Variants in SAMMSON observed in about 807,000 individuals in gnomAD.
SAMMSON encodes the protein long intergenic non-protein coding RNA 1212.
chr3:70,270,724 T>C (rs1223373523), intron 6 of SAMMSON, among the ~76,000 whole-genome samples: 1 of 152,210 alleles, frequency 6.6e-6, no homozygotes, highest in Non-Finnish European at 1.5e-5. Context: ...GACGAGTTCA[T>C]GTCCTTTGCC....
At chr3:70,079,798 T>C (rs1284061560) in intron 4 of SAMMSON, among the ~76,000 whole-genome samples, 3 of 152,160 alleles carry the variant, frequency 2.0e-5, no homozygotes, top group Admixed American at 1.3e-4. Flanking sequence ...TTCTTCTTTT[T>C]CCAAATGATG....
intron 9 of SAMMSON, among the ~76,000 whole-genome samples, chr3:70,377,930 C>A (rs531602258): frequency 2.0e-5 from 3 of 151,900 alleles, no homozygotes; most frequent in African/African-American, 7.2e-5. Flanking sequence ...ATCAGACTGA[C>A]AAACATTTAA....
At chr3:70,033,788 C>T (rs2067074586) in intron 3 of SAMMSON, among the ~76,000 whole-genome samples, 1 of 151,826 alleles carries the variant, frequency 6.6e-6, no homozygotes, top group Admixed American at 6.6e-5. Flanking sequence ...ACATGGGGGC[C>T]GAAGGAAAGG....
At chr3:70,429,964 A>G (rs1284113332) in intron 2 of SAMMSON, among the ~76,000 whole-genome samples, 2 of 152,110 alleles carry the variant, frequency 1.3e-5, no homozygotes, top group African/African-American at 2.4e-5. Context: ...TTATTTGTTT[A>G]TCTTGCCTGA....
chr3:70,005,924 C>T (rs1454240850), intron 1 of SAMMSON, among the ~76,000 whole-genome samples: 1 of 152,144 alleles, frequency 6.6e-6, no homozygotes. Context: ...ATGTAGGCCA[C>T]CCCTATAGAA....
intron 7 of SAMMSON, among the ~76,000 whole-genome samples, chr3:70,316,328 A>G (rs1458191951): frequency 1.3e-5 from 2 of 152,152 alleles, no homozygotes; most frequent in Non-Finnish European, 2.9e-5. Context: ...TTAAAACAAT[A>G]AAATTATATA....
At chr3:70,173,474 A>G (rs1700978806) in intron 4 of SAMMSON, among the ~76,000 whole-genome samples, 1 of 151,972 alleles carries the variant, frequency 6.6e-6, no homozygotes, top group African/African-American at 2.4e-5. Context: ...ACTTTAACTA[A>G]AAAAGCAAAT....
At chr3:70,335,900 A>C (rs549538944) in intron 7 of SAMMSON, among the ~76,000 whole-genome samples, 20 of 152,102 alleles carry the variant, frequency 1.3e-4, no homozygotes, top group African/African-American at 4.6e-4. Context: ...GTATCAAACC[A>C]GGAGACCCCA....
chr3:70,131,756 A>AT (rs1318252844), intron 4 of SAMMSON, among the ~76,000 whole-genome samples: 2 of 151,892 alleles, frequency 1.3e-5, no homozygotes, highest in African/African-American at 2.4e-5. Context: ...AGTTTTTTTG[A>AT]TTTTTTAAGT....
chr3:70,330,130 T>G (rs952489290), intron 7 of SAMMSON, among the ~76,000 whole-genome samples: 1 of 151,928 alleles, frequency 6.6e-6, no homozygotes, highest in African/African-American at 2.4e-5. Flanking sequence ...TAGTTAAAAT[T>G]AACTGATCAC....
At chr3:70,258,720 TA>T (rs1254461974) in intron 6 of SAMMSON, among the ~76,000 whole-genome samples, 1 of 152,158 alleles carries the variant, frequency 6.6e-6, no homozygotes, top group African/African-American at 2.4e-5. Flanking sequence ...AGCATGTTTT[TA>T]ATAGCGAAAA....
At chr3:70,367,289 C>A (rs1702930193) in intron 9 of SAMMSON, among the ~76,000 whole-genome samples, 1 of 151,478 alleles carries the variant, frequency 6.6e-6, no homozygotes. Flanking sequence ...ATGTTTTATA[C>A]CCATTAATCA....
intron 7 of SAMMSON, among the ~76,000 whole-genome samples, chr3:70,295,988 T>C (rs1013544570): frequency 1.3e-5 from 2 of 152,190 alleles, no homozygotes; most frequent in African/African-American, 4.8e-5. Context: ...ACCTTACTGC[T>C]TTTTGTACAT....
At chr3:70,148,177 A>G (rs938680402) in intron 4 of SAMMSON, among the ~76,000 whole-genome samples, 4 of 152,132 alleles carry the variant, frequency 2.6e-5, no homozygotes, top group Non-Finnish European at 4.4e-5. Context: ...TTCAAACATT[A>G]CTGATGGGAA....
At position 70,255,813 on chromosome 3, in the gene SAMMSON, A is replaced by G. The variant is rs148876361; in HGVS notation, n.674+6143A>G. Among the ~76,000 whole-genome samples, 798 of 152,330 alleles carry G rather than the reference A, an allele frequency of 5.2e-3. 5 individuals carry two copies. Among genetic ancestry groups the G allele is most frequent in the African/African-American group, 0.018 (733 of 41,570 alleles). On this transcript the variant is annotated intron_variant and non_coding_transcript_variant, in intron 6 of 9. Transcript: ENST00000642114. Reference sequence around the variant, plus strand: ...CCCTCTGAACATTAGGAATTGGGAAATGATCAATGCACACCAATTGATGGA... The same window carrying G: ...CCCTCTGAACATTAGGAATTGGGAAGTGATCAATGCACACCAATTGATGGA...
At chr3:70,272,541 T>C (rs1246645862) in intron 6 of SAMMSON, among the ~76,000 whole-genome samples, 2 of 152,248 alleles carry the variant, frequency 1.3e-5, no homozygotes, top group African/African-American at 4.8e-5. Context: ...TTTTAGGTAA[T>C]ATGAATAAGG....
intron 4 of SAMMSON, among the ~76,000 whole-genome samples, chr3:70,186,390 T>A (rs942369151): frequency 6.6e-6 from 1 of 152,086 alleles, no homozygotes; most frequent in African/African-American, 2.4e-5. Context: ...GCCAAATAAT[T>A]GGGACTACAG....
intron 9 of SAMMSON, among the ~76,000 whole-genome samples, chr3:70,372,267 A>G (rs916717716): frequency 2.0e-5 from 3 of 151,860 alleles, no homozygotes; most frequent in Non-Finnish European, 4.4e-5. Flanking sequence ...TGAGTGGACT[A>G]AGATGGTTTT....
At chr3:70,092,707 T>C (rs1294756748) in intron 4 of SAMMSON, among the ~76,000 whole-genome samples, 2 of 152,098 alleles carry the variant, frequency 1.3e-5, no homozygotes, top group Non-Finnish European at 2.9e-5. Context: ...TAATAGACAC[T>C]GGATGCTTAA....
Sources: allele counts gnomAD v4.1 joint callset (sites outside exome capture counted in the v4.1 genomes callset), GRCh38; gene constraint gnomAD v4.1.1; transcripts MANE v1.5; gene names NCBI Gene and HGNC (gene_info 2026-07-23, HGNC 2026-07-21).